Variants in SPAG17 observed in about 807,000 individuals in gnomAD.
SPAG17 encodes sperm-associated antigen 17.
A neutral mutation model predicts 273.6 loss-of-function variants in SPAG17; 169 were observed. The observed-to-expected ratio is 0.62, with a 90% CI of 0.55 to 0.70. The LOEUF (loss-of-function observed/expected upper bound fraction) is 0.70, where lower values mean the gene tolerates loss of function less well. SPAG17 is among the 30% of genes least tolerant of loss of function. The pLI is 0.00. For synonymous variants in SPAG17, 825 were observed against 873.2 expected, an observed-to-expected ratio of 0.94 and a Z score of 0.97; for missense variants, 2,557 against 2,627.8, an observed-to-expected ratio of 0.97 and a Z score of 0.59.
chr1:118,148,252 TCTCA>T (rs1659159769), intron 3 of SPAG17, among the ~76,000 whole-genome samples: 2 of 152,186 alleles, frequency 1.3e-5, no homozygotes, highest in Admixed American at 1.3e-4. Flanking sequence ...GGGTTCCTCG[TCTCA>T]CTGACTTCAA....
At chr1:118,037,629 G>A (rs567552687) in intron 23 of SPAG17, among the ~76,000 whole-genome samples, 31 of 152,176 alleles carry the variant, frequency 2.0e-4, no homozygotes, top group African/African-American at 6.5e-4. Flanking sequence ...GTGTTAGTTC[G>A]CTTAGGATAA....
intron 48 of SPAG17, 172 bp from the exon 49 acceptor site, chr1:117,954,221 A>G: frequency 1.2e-6 from 1 of 814,242 alleles, no homozygotes; most frequent in Non-Finnish European, 1.9e-6. Context: ...AATCTTTCCA[A>G]CTCACTATAT....
chr1:118,014,936 C>A lies in SPAG17; in HGVS notation c.4287+1029G>T, dbSNP rs74983602. On this transcript the variant is annotated intron_variant, in intron 29 of 48. Coordinates refer to ENST00000336338, the MANE Select transcript of SPAG17 (RefSeq NM_206996.4). Reference sequence around the variant, plus strand: ...CTCAATTTCTCATCTGTGTAATACACATTTGGTGTGAGGGCTGAATGAGAT... The same window carrying A: ...CTCAATTTCTCATCTGTGTAATACAAATTTGGTGTGAGGGCTGAATGAGAT... 1.3e-4 allele frequency among the ~76,000 whole-genome samples: 20 copies of A among 152,262 alleles called. No individual in the cohort carries two copies. In the East Asian group the frequency reaches 3.7e-3, roughly 28 times the overall value.
intron 3 of SPAG17, among the ~76,000 whole-genome samples, chr1:118,116,968 G>C (rs1657121805): frequency 6.6e-6 from 1 of 152,206 alleles, no homozygotes; most frequent in South Asian, 2.1e-4. Context: ...ACCATTTAAT[G>C]ATGACCAGAT....
intron 3 of SPAG17, among the ~76,000 whole-genome samples, chr1:118,139,775 T>A (rs1054371759): frequency 2.7e-5 from 4 of 149,436 alleles, no homozygotes; most frequent in African/African-American, 4.9e-5. Context: ...AGTAGAATGG[T>A]GGTTACAGAG....
intron 26 of SPAG17, 21 bp downstream of exon 26, chr1:118,028,253 C>G (rs2101866532): frequency 6.2e-7 from 1 of 1,601,406 alleles, no homozygotes; most frequent in Non-Finnish European, 8.5e-7. Context: ...GCTTCCCCAC[C>G]CTACCCCATA....
chr1:117,955,104 C>T, intron 48 of SPAG17: 1 of 457,046 alleles, frequency 2.2e-6, no homozygotes, highest in Non-Finnish European at 3.9e-6. Context: ...GATAAGGAAT[C>T]TGGCTTGACT....
intron 1 of SPAG17, among the ~76,000 whole-genome samples, chr1:118,177,776 G>T (rs749626061): frequency 6.6e-6 from 1 of 152,106 alleles, no homozygotes; most frequent in South Asian, 2.1e-4. Flanking sequence ...AATCATGAGA[G>T]ACTATTATGA....
intron 3 of SPAG17, among the ~76,000 whole-genome samples, chr1:118,123,614 C>T (rs1052912807): frequency 6.6e-6 from 1 of 152,128 alleles, no homozygotes; most frequent in African/African-American, 2.4e-5. Context: ...GCAGGTGACT[C>T]CTAGATCATT....
At chr1:118,012,782 T>C (rs1205231235) in intron 29 of SPAG17, among the ~76,000 whole-genome samples, 1 of 152,200 alleles carries the variant, frequency 6.6e-6, no homozygotes, top group African/African-American at 2.4e-5. Context: ...CTGCAGAACT[T>C]CCCCAGATGG....
At chr1:118,053,802 C>T (rs1389795299) in intron 20 of SPAG17, among the ~76,000 whole-genome samples, 200 bp downstream of exon 20, 1 of 151,760 alleles carries the variant, frequency 6.6e-6, no homozygotes, top group Non-Finnish European at 1.5e-5. Context: ...AACATATACA[C>T]AAAAACGCAC....
chr1:117,954,603 C>G (rs1651890463), intron 48 of SPAG17: 1 of 1,612,590 alleles, frequency 6.2e-7, no homozygotes, highest in African/African-American at 1.3e-5. Context: ...GCAACCCCAT[C>G]CTAATGGCTT....
At chr1:118,121,980 T>C (rs961833779) in intron 3 of SPAG17, among the ~76,000 whole-genome samples, 1 of 152,262 alleles carries the variant, frequency 6.6e-6, no homozygotes, top group African/African-American at 2.4e-5. Flanking sequence ...ATATGTCATA[T>C]TAAATACATG....
chr1:118,144,310 A>AG (rs929668163), intron 3 of SPAG17, among the ~76,000 whole-genome samples: 10 of 152,218 alleles, frequency 6.6e-5, no homozygotes, highest in African/African-American at 2.4e-4. Context: ...GTGGGGGCCC[A>AG]GGGCTGTTAA....
intron 19 of SPAG17, among the ~76,000 whole-genome samples, chr1:118,054,738 T>G (rs191296526): frequency 6.6e-6 from 1 of 152,010 alleles, no homozygotes; most frequent in Admixed American, 6.6e-5. Context: ...CTTTTCTTTT[T>G]TTGGGGGGTA....
intron 3 of SPAG17, among the ~76,000 whole-genome samples, chr1:118,140,533 G>A (rs780971853): frequency 3.7e-4 from 56 of 152,164 alleles, no homozygotes; most frequent in Admixed American, 6.5e-4. Context: ...AGAAAAAAAG[G>A]ATATTTTTAT....
At chr1:117,995,912 T>C (rs897086231) in intron 34 of SPAG17, among the ~76,000 whole-genome samples, 1 of 152,174 alleles carries the variant, frequency 6.6e-6, no homozygotes, top group Non-Finnish European at 1.5e-5. Flanking sequence ...ACCCAATGAA[T>C]GTAGCTTATA....
intron 20 of SPAG17, among the ~76,000 whole-genome samples, chr1:118,049,650 C>A (rs1276031754): frequency 2.0e-5 from 3 of 152,210 alleles, no homozygotes; most frequent in African/African-American, 2.4e-5. Context: ...CCAATGTCAT[C>A]TTTTCACATA....
intron 43 of SPAG17, among the ~76,000 whole-genome samples, chr1:117,979,302 A>G (rs1353941845): frequency 6.6e-6 from 1 of 152,184 alleles, no homozygotes; most frequent in African/African-American, 2.4e-5. Context: ...TGAACTCATC[A>G]AAACTACAAA....
Sources: allele counts gnomAD v4.1 joint callset (sites outside exome capture counted in the v4.1 genomes callset), GRCh38; gene constraint gnomAD v4.1.1; transcripts MANE v1.5; gene names NCBI Gene and HGNC (gene_info 2026-07-23, HGNC 2026-07-21).